GKAP1: variants seen among roughly 807,000 people sequenced by gnomAD.
GKAP1 encodes the protein G kinase-anchoring protein 1.
GKAP1 carries 31 observed loss-of-function variants against 56.7 expected under a neutral mutation model. The ratio of observed to expected loss-of-function variants is 0.55; its 90% CI spans 0.41 to 0.74. The LOEUF (loss-of-function observed/expected upper bound fraction) is 0.74. Among genes scored for constraint, GKAP1 ranks in the 30% least tolerant of loss-of-function variants. The pLI, the probability that GKAP1 is intolerant of heterozygous loss-of-function variation, is 0.00. For synonymous variants in GKAP1, 151 were observed against 138.6 expected (o/e 1.09, Z -0.63); for missense variants, 364 against 402.3 (o/e 0.90, Z 0.82).
At chr9:83,779,527 G>GTA (rs762784530) in intron 7 of GKAP1, among the ~76,000 whole-genome samples, 2 of 106,318 alleles carry the variant, frequency 1.9e-5, no homozygotes, top group African/African-American at 7.1e-5. Context: ...ATATACACGT[G>GTA]TATATGTGTA....
chr9:83,799,172 T>C lies in GKAP1; in HGVS notation c.360+13A>G. The C allele has an allele frequency of 1.2e-6, 2 of 1,611,082 alleles. No individual in the cohort carries two copies. Among genetic ancestry groups the C allele is most frequent in the Non-Finnish European group, 1.7e-6 (2 of 1,178,284 alleles). On this transcript the variant is annotated intron_variant, in intron 4 of 12. Coordinates refer to ENST00000376371, the MANE Select transcript of GKAP1 (RefSeq NM_025211.4). Reference sequence around the variant, plus strand: ...CAATGAAAAACAAAGCAATTTTATTTACTTAGTTGTACCTGCTCATCTCTT... The same window carrying C: ...CAATGAAAAACAAAGCAATTTTATTCACTTAGTTGTACCTGCTCATCTCTT...
At chr9:83,778,686 G>T (rs1161810669) in intron 7 of GKAP1, among the ~76,000 whole-genome samples, 1 of 151,456 alleles carries the variant, frequency 6.6e-6, no homozygotes, top group East Asian at 1.9e-4. Flanking sequence ...ATGTACCCCT[G>T]AACTTTAAAA....
At chr9:83,799,055 G>T in intron 4 of GKAP1, 130 bp downstream of exon 4, 1 of 739,084 alleles carries the variant, frequency 1.4e-6, no homozygotes, top group Non-Finnish European at 2.2e-6. Context: ...CTTATTAAAA[G>T]CAACAAATAT....
chr9:83,766,340 T>A (rs562646443), intron 8 of GKAP1, among the ~76,000 whole-genome samples: 1 of 152,144 alleles, frequency 6.6e-6, no homozygotes, highest in South Asian at 2.1e-4. Context: ...CATAGCAGCA[T>A]GAGAATGGAC....
intron 8 of GKAP1, among the ~76,000 whole-genome samples, chr9:83,767,225 G>C (rs1022103565): frequency 6.6e-6 from 1 of 152,222 alleles, no homozygotes; most frequent in African/African-American, 2.4e-5. Context: ...GGTATGAGGA[G>C]AGAAAGCATC....
chr9:83,772,740 A>G (rs774045725), intron 7 of GKAP1, among the ~76,000 whole-genome samples: 12 of 152,244 alleles, frequency 7.9e-5, no homozygotes, highest in Non-Finnish European at 1.2e-4. Flanking sequence ...AAATCATACA[A>G]ATCAATAAGA....
At chr9:83,750,562 C>G (rs1943372351) in intron 9 of GKAP1, among the ~76,000 whole-genome samples, 1 of 152,212 alleles carries the variant, frequency 6.6e-6, no homozygotes, top group East Asian at 1.9e-4. Flanking sequence ...GCAGCTGCGT[C>G]ATTTTACATT....
intron 2 of GKAP1, among the ~76,000 whole-genome samples, chr9:83,810,230 GTTTGTT>G (rs1944489192): frequency 6.6e-6 from 1 of 152,170 alleles, no homozygotes; most frequent in African/African-American, 2.4e-5. Context: ...GATAAAAATT[GTTTGTT>G]TTTATTACCT....
intron 5 of GKAP1, among the ~76,000 whole-genome samples, chr9:83,786,539 C>A: frequency 1.0e-5 from 1 of 99,886 alleles, no homozygotes. Flanking sequence ...GAAACTCTGT[C>A]TCAAAAAAAA....
intron 2 of GKAP1, among the ~76,000 whole-genome samples, chr9:83,810,682 G>GT (rs1944494998): frequency 6.6e-6 from 1 of 152,176 alleles, no homozygotes; most frequent in African/African-American, 2.4e-5. Flanking sequence ...ACTACTTAAC[G>GT]TAAGTACTTG....
Position 83,784,758 on chromosome 9 carries a change from T to C in GKAP1, c.519A>G (p.Lys173=). ...KKDKRKNHQG[K]DRPLTVSLKD... is the part of the protein sequence containing the mutation. ...TTAGTGATACTGTGAGAGGTCTGTC[T>C]TTTCCCTGATGATTCTTTCTTTTAT... is the stretch of plus-strand genomic sequence containing the variant. Residue 173 remains lysine (K), a synonymous_variant, in exon 6 of 13, where the codon AAA becomes AAG. Transcript: ENST00000376371. The C allele has an allele frequency of 2.5e-6, 4 of 1,604,254 alleles. No homozygotes were observed. The highest frequency in any genetic ancestry group is 3.4e-6 in the Non-Finnish European group (4 of 1,174,164).
chr9:83,804,943 C>G (rs901083475), intron 3 of GKAP1, among the ~76,000 whole-genome samples: 23 of 151,698 alleles, frequency 1.5e-4, no homozygotes, highest in African/African-American at 5.6e-4. Context: ...CCCCTCTGCC[C>G]GGCCACCACC....
chr9:83,813,488 G>T (rs1395705335), intron 2 of GKAP1, among the ~76,000 whole-genome samples: 1 of 152,130 alleles, frequency 6.6e-6, no homozygotes, highest in Admixed American at 6.5e-5. Context: ...GGGCTCAGTG[G>T]TGCACACCTG....
chr9:83,757,100 T>C (rs1943490206), intron 8 of GKAP1, among the ~76,000 whole-genome samples: 1 of 151,966 alleles, frequency 6.6e-6, no homozygotes, highest in South Asian at 2.1e-4. Flanking sequence ...AAAAACAAAA[T>C]GCTATGGGGT....
At chr9:83,770,300 T>C (rs1456093257) in intron 7 of GKAP1, among the ~76,000 whole-genome samples, 1 of 152,246 alleles carries the variant, frequency 6.6e-6, no homozygotes, top group Non-Finnish European at 1.5e-5. Context: ...ATGTGTTTAG[T>C]TCTGTGATCC....
At chr9:83,789,687 T>A (rs182575761) in intron 4 of GKAP1, among the ~76,000 whole-genome samples, 1 of 152,136 alleles carries the variant, frequency 6.6e-6, no homozygotes, top group African/African-American at 2.4e-5. Context: ...CAAGCTATCA[T>A]CACCAATGAC....
At chr9:83,762,107 G>T (rs1466200324) in intron 8 of GKAP1, among the ~76,000 whole-genome samples, 1 of 152,126 alleles carries the variant, frequency 6.6e-6, no homozygotes, top group Admixed American at 6.6e-5. Context: ...AAAGGAAGAA[G>T]TCAAATTATC....
At chr9:83,803,282 A>C (rs1415430852) in intron 3 of GKAP1, among the ~76,000 whole-genome samples, 2 of 141,264 alleles carry the variant, frequency 1.4e-5, no homozygotes, top group Admixed American at 1.5e-4. Flanking sequence ...CTCTCTTTCC[A>C]CGGTCTCCCT....
chr9:83,760,595 C>T (rs1943553512), intron 8 of GKAP1, among the ~76,000 whole-genome samples: 1 of 152,154 alleles, frequency 6.6e-6, no homozygotes, highest in Non-Finnish European at 1.5e-5. Context: ...AGATCACTCT[C>T]AAGGATAGAC....
Sources: allele counts gnomAD v4.1 joint callset (sites outside exome capture counted in the v4.1 genomes callset), GRCh38; gene constraint gnomAD v4.1.1; transcripts MANE v1.5; gene names NCBI Gene and HGNC (gene_info 2026-07-23, HGNC 2026-07-21).